The following EMCN variants were observed in gnomAD, a reference collection of about 807,000 sequenced individuals.
The protein encoded by EMCN is endomucin.
In EMCN, 37 loss-of-function variants were observed where a neutral mutation model predicts 38.4. The observed-to-expected ratio is 0.96, with a 90% CI of 0.74 to 1.27. EMCN has a LOEUF of 1.27. Ranked by LOEUF, EMCN falls within the 50% of genes most tolerant of loss-of-function variation. The probability of loss-of-function intolerance (pLI) is 0.00; values close to 1 mark genes in which losing one functional copy is unlikely to be tolerated. For synonymous variants in EMCN, 95 were observed against 100.8 expected, an observed-to-expected ratio of 0.94 and a Z score of 0.35; for missense variants, 318 against 302.8, an observed-to-expected ratio of 1.05 and a Z score of -0.37.
intron 4 of EMCN, among the ~76,000 whole-genome samples, chr4:100,460,423 G>C (rs1728146826): frequency 6.6e-6 from 1 of 152,136 alleles, no homozygotes; most frequent in Non-Finnish European, 1.5e-5. Flanking sequence ...CTGAGACTGG[G>C]TAATTTATGA....
At chr4:100,488,973 C>T (rs1729010064) in intron 1 of EMCN, among the ~76,000 whole-genome samples, 2 of 152,162 alleles carry the variant, frequency 1.3e-5, no homozygotes, top group Admixed American at 6.5e-5. Flanking sequence ...AGAAAACAAG[C>T]ACATATAACA....
intron 4 of EMCN, among the ~76,000 whole-genome samples, chr4:100,449,363 T>C (rs997259955): frequency 2.0e-5 from 3 of 152,104 alleles, no homozygotes; most frequent in Non-Finnish European, 4.4e-5. Context: ...AATTAATTTC[T>C]TAAGGAAAAA....
chr4:100,416,701 T>TA (rs1354921307), intron 9 of EMCN, among the ~76,000 whole-genome samples: 3 of 152,194 alleles, frequency 2.0e-5, no homozygotes, highest in Non-Finnish European at 4.4e-5. Context: ...CCTGGATTAC[T>TA]AAAATCTGCT....
Position 100,475,659 on chromosome 4 carries a change from C to CTGTTTTTTTTTT in EMCN, c.188-551_188-550insAAAAAAAAAACA, listed in dbSNP as rs1560631485. 3.3e-5 allele frequency among the ~76,000 whole-genome samples: 2 copies of CTGTTTTTTTTTT among 60,314 alleles called. 1 individual carries two copies. The allele number at this position is 60,314 out of a possible 152,430, so 39.6% of individuals were successfully genotyped here. On this transcript the variant is annotated intron_variant, in intron 2 of 11. Transcript: ENST00000296420. ...TTGAGGGCAGTATCCAATTCTAGTC[C>CTGTTTTTTTTTT]TTTTTTTTTTTTTTTTTTTTTTTTT... is the stretch of plus-strand genomic sequence containing the variant.
chr4:100,423,187 C>T (rs1015858861), intron 6 of EMCN, 107 bp from the exon 7 acceptor site: 84 of 1,336,270 alleles, frequency 6.3e-5, no homozygotes, highest in Admixed American at 3.4e-5. Context: ...AGGTATGATG[C>T]TGCAAGTGCA....
chr4:100,423,279 G>T, intron 6 of EMCN, 33 bp downstream of exon 6: 1 of 1,521,616 alleles, frequency 6.6e-7, no homozygotes, highest in Non-Finnish European at 9.1e-7. Context: ...GTCAGGTAGA[G>T]CAGATTTCCA....
chr4:100,475,662 T>A, intron 2 of EMCN, among the ~76,000 whole-genome samples: 1 of 7,740 alleles, frequency 1.3e-4, no homozygotes, highest in East Asian at 5.3e-3. Flanking sequence ...TCTAGTCCTT[T>A]TTTTTTTTTT....
chr4:100,481,381 G>C (rs11940840), intron 1 of EMCN, among the ~76,000 whole-genome samples: 37,549 of 152,042 alleles, frequency 0.25, 4,966 homozygotes, highest in African/African-American at 0.32. Context: ...ATGCTTGGAA[G>C]TGTTAGTTCT....
At chr4:100,421,695 T>G (rs1726893628) in intron 7 of EMCN, among the ~76,000 whole-genome samples, 2 of 152,004 alleles carry the variant, frequency 1.3e-5, no homozygotes, top group African/African-American at 4.8e-5. Flanking sequence ...AGATTATAAT[T>G]AAATCCTCAT....
At chr4:100,486,789 T>C (rs1370369721) in intron 1 of EMCN, 14 of 899,228 alleles carry the variant, frequency 1.6e-5, no homozygotes, top group Non-Finnish European at 1.9e-5. Context: ...ATCTGCAAAA[T>C]GGACCCAAGA....
Position 100,473,499 on chromosome 4 carries a change from C to T in EMCN, c.259+1539G>A, listed in dbSNP as rs80128172. 9.3e-3 allele frequency among the ~76,000 whole-genome samples: 1,376 copies of T among 147,592 alleles called. 21 individuals carry two copies. The highest frequency in any genetic ancestry group is 0.032 in the African/African-American group (1,279 of 40,286). ...TTTCTTATTTGAGTTCAAAATGGGTCGTAAAAGAAGCGCAGACAACTCACG... is the reference window on the plus strand; with the variant it reads ...TTTCTTATTTGAGTTCAAAATGGGTTGTAAAAGAAGCGCAGACAACTCACG... On this transcript the variant is annotated intron_variant, in intron 3 of 11. Coordinates refer to ENST00000296420, the MANE Select transcript of EMCN (RefSeq NM_016242.4).
Position 100,397,527 on chromosome 4 carries a change from A to G in EMCN, c.*886T>C, listed in dbSNP as rs1418736614. ...GAAATAAAAAATGCATGGAGATAAT[A>G]TCAATCAAATGAGTTAATGAAAAAT... On this transcript the variant is annotated 3_prime_UTR_variant, in exon 12 of 12. Transcript: ENST00000296420. 1.3e-5 allele frequency: 2 copies of G among 152,218 alleles called. No homozygotes were observed. Among genetic ancestry groups the G allele is most frequent in the Non-Finnish European group, 2.9e-5 (2 of 68,028 alleles). 9.4% of individuals were successfully genotyped at this position (152,218 alleles called of 1,614,324 possible). A position where few individuals can be genotyped will look rare whatever the true frequency, so the allele number is the denominator to read the frequency against.
At chr4:100,510,691 G>A (rs557241256) in intron 1 of EMCN, among the ~76,000 whole-genome samples, 1 of 152,238 alleles carries the variant, frequency 6.6e-6, no homozygotes, top group East Asian at 1.9e-4. Context: ...CCATTTTACA[G>A]CTGAGGAAGC....
rs1728295298 is a variant in EMCN, at chr4:100,465,613, C to T, written c.260-74G>A. The T allele has an allele frequency of 8.2e-6, 6 of 728,270 alleles. No individual in the cohort carries two copies. The South Asian group carries it at 1.7e-4, about 21-fold the overall frequency. 45.1% of individuals were successfully genotyped at this position (728,270 alleles called of 1,614,324 possible). On this transcript the variant is annotated intron_variant, in intron 3 of 11. Transcript: ENST00000296420. Reference sequence around the variant, plus strand: ...ATCTTATTAATATTCATATTAATATCCAACTAAAACTTGAAGATTAATTTC... The same window carrying T: ...ATCTTATTAATATTCATATTAATATTCAACTAAAACTTGAAGATTAATTTC...
intron 11 of EMCN, among the ~76,000 whole-genome samples, chr4:100,400,491 A>C (rs1240282541): frequency 6.6e-6 from 1 of 151,994 alleles, no homozygotes; most frequent in Non-Finnish European, 1.5e-5. Flanking sequence ...ACCATATTAT[A>C]CTAAAATTAT....
At chr4:100,446,271 A>T in intron 5 of EMCN, 1 of 890,370 alleles carries the variant, frequency 1.1e-6, no homozygotes, top group South Asian at 5.2e-5. Context: ...AATAATAAAA[A>T]ATATGGTGAT....
rs770241573 is a variant in EMCN at position 100,421,344 on chromosome 4, A to G, written c.602T>C (p.Val201Ala). 8 of 1,612,894 alleles carry G rather than the reference A, an allele frequency of 5.0e-6. No individual in the cohort carries two copies. The highest frequency in any genetic ancestry group is 6.8e-6 in the Non-Finnish European group (8 of 1,179,110). The change falls in exon 8 of 12, where the codon GTA (valine) becomes GCA (alanine). Residue 201 changes from valine (V) to alanine (A), a missense_variant. Coordinates refer to ENST00000296420, the MANE Select transcript of EMCN (RefSeq NM_016242.4). Reference protein sequence around the residue: ...IILPVVIALIVITLSVFVLVG... With the variant: ...IILPVVIALIAITLSVFVLVG... ...CAGAACAAATACTGAAAGTGTTATT[A>G]CAATCAAAGCAATAACCACCGGCAA...
chr4:100,459,750 C>G (rs1332829146), intron 4 of EMCN, among the ~76,000 whole-genome samples: 3 of 152,136 alleles, frequency 2.0e-5, no homozygotes, highest in Non-Finnish European at 4.4e-5. Context: ...TCGCAAATGA[C>G]AGGTTTTCCT....
chr4:100,473,021 A>AT (rs34138082), intron 3 of EMCN, among the ~76,000 whole-genome samples: 63,356 of 124,010 alleles, frequency 0.51, 15,526 homozygotes, highest in East Asian at 0.81. Flanking sequence ...ATATATATAT[A>AT]TTTTTTTTTT....
Sources: allele counts gnomAD v4.1 joint callset (sites outside exome capture counted in the v4.1 genomes callset), GRCh38; gene constraint gnomAD v4.1.1; transcripts MANE v1.5; gene names NCBI Gene and HGNC (gene_info 2026-07-23, HGNC 2026-07-21).